Variants in LRRC53 observed in about 807,000 individuals in gnomAD.
LRRC53 encodes the protein leucine rich repeat containing 53.
In LRRC53, 25 loss-of-function variants were observed where a neutral mutation model predicts 13.6. The ratio of observed to expected loss-of-function variants is 1.83; its 90% CI spans 1.34 to 2.56. LRRC53 has a LOEUF of 2.56. Among genes scored for constraint, LRRC53 ranks in the 30% most tolerant of loss-of-function variants. The pLI, the probability that LRRC53 is intolerant of heterozygous loss-of-function variation, is 0.00. For missense variants in LRRC53, 527 were observed against 275.8 expected (o/e 1.91, Z -6.45); for synonymous variants, 204 against 109.8 (o/e 1.86, Z -5.37).
chr1:74,524,170 A>G, the LRRC53 span, among the ~76,000 whole-genome samples: 1 of 152,236 alleles, frequency 6.6e-6, no homozygotes, highest in Admixed American at 6.5e-5. Flanking sequence ...TTCTTTGTGA[A>G]AAGTCTTTAA....
chr1:74,511,195 A>AC (rs1553154190), intron 1 of LRRC53, among the ~76,000 whole-genome samples: 2 of 144,300 alleles, frequency 1.4e-5, no homozygotes, highest in African/African-American at 5.1e-5. Flanking sequence ...TGCCCGGCCT[A>AC]TTTTTTTTTT....
upstream of LRRC53, among the ~76,000 whole-genome samples, chr1:74,516,179 C>A (rs982036243): frequency 2.6e-5 from 4 of 152,024 alleles, no homozygotes; most frequent in African/African-American, 7.3e-5. Flanking sequence ...AAAATATGGT[C>A]ATTTATTTCT....
intron 1 of LRRC53, among the ~76,000 whole-genome samples, chr1:74,504,938 G>T (rs2100355297): frequency 6.6e-6 from 1 of 152,300 alleles, no homozygotes; most frequent in East Asian, 1.9e-4. Flanking sequence ...AACCTGCGAA[G>T]ATTCGCCGGA....
At chr1:74,533,518 T>C in the LRRC53 span, among the ~76,000 whole-genome samples, 1 of 152,266 alleles carries the variant, frequency 6.6e-6, no homozygotes, top group South Asian at 2.1e-4. Context: ...TCCTCAGGGA[T>C]CTAGAACTAG....
chr1:74,512,332 G>C (rs1035771170), intron 1 of LRRC53, among the ~76,000 whole-genome samples, 194 bp downstream of exon 1: 2 of 152,124 alleles, frequency 1.3e-5, no homozygotes, highest in African/African-American at 4.8e-5. Context: ...CTAGAACTGT[G>C]CAAAACAGGC....
chr1:74,489,385 T>G lies in LRRC53; in HGVS notation c.-26-6010A>C, dbSNP rs9326114. ...CTCCATCCATATTTGCCCTATTCAT[T>G]AAATTCCTATGGTGGAGCAGAATTA... On this transcript the variant is annotated intron_variant, in intron 1 of 4. Coordinates refer to ENST00000294635, the MANE Select transcript of LRRC53 (RefSeq NM_001382280.1). 29,130 of 814,438 alleles carry G rather than the reference T, an allele frequency of 0.036. 2,509 individuals are homozygous for G. The highest frequency in any genetic ancestry group is 0.28 in the African/African-American group (15,886 of 56,820). 50.5% of individuals were successfully genotyped at this position (814,438 alleles called of 1,614,324 possible).
chr1:74,476,305 C>T (rs1054608757), intron 3 of LRRC53, among the ~76,000 whole-genome samples: 1 of 152,148 alleles, frequency 6.6e-6, no homozygotes, highest in Non-Finnish European at 1.5e-5. Flanking sequence ...TCACTTTTTC[C>T]TGTCTTGACA....
the LRRC53 span, among the ~76,000 whole-genome samples, chr1:74,534,707 T>C: frequency 2.0e-5 from 3 of 149,358 alleles, no homozygotes; most frequent in Non-Finnish European, 4.5e-5. Context: ...CTTGTAAGCA[T>C]TGCAACATGA....
rs556107930 is a variant in LRRC53, at chr1:74,480,409, C to T, written c.648G>A (p.Trp216Ter). 2.8e-6 allele frequency: 2 copies of T among 717,542 alleles called. No homozygotes were observed. Among genetic ancestry groups the T allele is most frequent in the Admixed American group, 2.0e-5 (1 of 50,026 alleles). The allele number at this position is 717,542 out of a possible 1,614,324, so 44.4% of individuals were successfully genotyped here. A position where few individuals can be genotyped will look rare whatever the true frequency, so the allele number is the denominator to read the frequency against. The stretch of plus-strand genomic sequence containing the variant: ...GGGGATGGAGATCACAAGTGCAGCT[C>T]CACTGGTTCTTATCTAAGCTCAGAA... ...LILLSLDKNQ[W>*]SCTCDLHPLA... Residue 216 changes from tryptophan to a stop codon, truncating the protein, a stop_gained, in exon 3 of 5, where the codon TGG (tryptophan) becomes TGA (stop). Coordinates refer to ENST00000294635, the MANE Select transcript of LRRC53 (RefSeq NM_001382280.1). LOFTEE classifies it high-confidence loss of function.
At position 74,483,291 on chromosome 1, in the gene LRRC53, G is replaced by A. The variant is rs1668593455; in HGVS notation, c.59C>T (p.Thr20Ile). ...ESCVVCTKDV[T>I]LCHQLTYIVA... ...TATATAGGTTAGCTGGTGACAGAGGGTTACATCTTTGGTGCACACCACACA... is the reference window on the plus strand; with the variant it reads ...TATATAGGTTAGCTGGTGACAGAGGATTACATCTTTGGTGCACACCACACA... Residue 20 changes from threonine (T) to isoleucine (I), a missense_variant, in exon 2 of 5, where the codon ACC becomes ATC. Thr to Ile is a moderately conservative substitution (Grantham distance 89). Transcript: ENST00000294635. 1.4e-6 allele frequency: 1 copy of A among 717,360 alleles called. No homozygotes were observed. The highest frequency in any genetic ancestry group is 1.7e-5 in the African/African-American group (1 of 57,210). 44.4% of individuals were successfully genotyped at this position (717,360 alleles called of 1,614,324 possible). A position where few individuals can be genotyped will look rare whatever the true frequency, so the allele number is the denominator to read the frequency against.
chr1:74,503,363 G>T (rs2100349509), intron 1 of LRRC53, among the ~76,000 whole-genome samples: 1 of 152,272 alleles, frequency 6.6e-6, no homozygotes, highest in African/African-American at 2.4e-5. Flanking sequence ...CTTATTCAAA[G>T]AATGCTGATT....
At chr1:74,510,208 C>T (rs988277234) in intron 1 of LRRC53, among the ~76,000 whole-genome samples, 2 of 152,048 alleles carry the variant, frequency 1.3e-5, no homozygotes, top group Non-Finnish European at 1.5e-5. Flanking sequence ...CAGTTCTCAC[C>T]TTTTAAAAAG....
In LRRC53 at chr1:74,480,981, AAG is replaced by A. The variant is rs1277453997; in HGVS notation, c.89-15_89-14del. ...GTCATAGGGGCTGCTGTGGGGAAAA[AAG>A]CACAGACTAGATGCAGGGTACACAT... On this transcript the variant is annotated splice_polypyrimidine_tract_variant and intron_variant, in intron 2 of 4. Coordinates refer to ENST00000294635, the MANE Select transcript of LRRC53 (RefSeq NM_001382280.1). The A allele has an allele frequency of 3.1e-5, 22 of 700,010 alleles. No individual in the cohort carries two copies. The highest frequency in any genetic ancestry group is 2.8e-4 in the Admixed American group (14 of 49,134). The allele number at this position is 700,010 out of a possible 1,614,324, so 43.4% of individuals were successfully genotyped here.
intron 4 of LRRC53, among the ~76,000 whole-genome samples, chr1:74,474,275 A>G (rs1668075157): frequency 6.6e-6 from 1 of 152,130 alleles, no homozygotes; most frequent in Non-Finnish European, 1.5e-5. Flanking sequence ...TCTTTATAAA[A>G]TAAAGCCAGT....
chr1:74,529,916 T>C, the LRRC53 span, among the ~76,000 whole-genome samples: 1 of 152,174 alleles, frequency 6.6e-6, no homozygotes, highest in Non-Finnish European at 1.5e-5. Flanking sequence ...AGAGTGTCCT[T>C]AGAGCATGTC....
At chr1:74,529,607 A>G in the LRRC53 span, among the ~76,000 whole-genome samples, 3 of 152,200 alleles carry the variant, frequency 2.0e-5, no homozygotes, top group Non-Finnish European at 2.9e-5. Context: ...AAATGATTGT[A>G]TTTTGGTTAT....
the LRRC53 span, among the ~76,000 whole-genome samples, chr1:74,520,793 TG>T: frequency 7.4e-4 from 113 of 152,072 alleles, 1 homozygote; most frequent in Non-Finnish European, 2.2e-4. Flanking sequence ...TTGCAACATG[TG>T]GGTTGCAGCT....
intron 1 of LRRC53, among the ~76,000 whole-genome samples, chr1:74,507,336 C>G (rs1669959972): frequency 6.6e-6 from 1 of 151,376 alleles, no homozygotes; most frequent in Non-Finnish European, 1.5e-5. Context: ...AACTAGTTAC[C>G]CATCATGTTT....
rs893092707 is a variant in LRRC53, at chr1:74,489,327, G to T, written c.-26-5952C>A. ...GCTGTCAGGGAATGTAGATGAGCTG[G>T]TGCTTATGAAAAGTTACTGTGAGGA... On this transcript the variant is annotated intron_variant, in intron 1 of 4. Coordinates refer to ENST00000294635, the MANE Select transcript of LRRC53 (RefSeq NM_001382280.1). 5.6e-5 allele frequency: 82 copies of T among 1,464,516 alleles called. 1 individual carries two copies. In the South Asian group the frequency reaches 9.9e-4, roughly 18 times the overall value. 90.7% of individuals were successfully genotyped at this position (1,464,516 alleles called of 1,614,324 possible).
Sources: allele counts gnomAD v4.1 joint callset (sites outside exome capture counted in the v4.1 genomes callset), GRCh38; gene constraint gnomAD v4.1.1; transcripts MANE v1.5; gene names NCBI Gene and HGNC (gene_info 2026-07-23, HGNC 2026-07-21).